The following SYBU variants were observed in gnomAD, a reference collection of about 807,000 sequenced individuals.
SYBU encodes GOLSYN A protein.
SYBU carries 21 observed loss-of-function variants against 35.9 expected under a neutral mutation model. The observed-to-expected ratio is 0.58, with a 90% CI of 0.41 to 0.84. SYBU has a LOEUF of 0.84. Among genes scored for constraint, SYBU ranks in the 40% least tolerant of loss-of-function variants. SYBU has a pLI of 0.00. For synonymous variants in SYBU, 319 were observed against 324.3 expected, an observed-to-expected ratio of 0.98 and a Z score of 0.18; for missense variants, 768 against 848.2, an observed-to-expected ratio of 0.91 and a Z score of 1.17.
At chr8:109,589,877 C>T (rs1824022675) in intron 3 of SYBU, among the ~76,000 whole-genome samples, 2 of 152,150 alleles carry the variant, frequency 1.3e-5, no homozygotes, top group South Asian at 4.1e-4. Context: ...ATCCTGAGAT[C>T]TACTAAGCAG....
upstream of SYBU, chr8:109,645,079 G>T (rs1815493814): frequency 2.0e-6 from 1 of 491,400 alleles, no homozygotes; most frequent in African/African-American, 2.0e-5. Flanking sequence ...CCAGCCCAGG[G>T]GTGACCCCAC....
intron 1 of SYBU, among the ~76,000 whole-genome samples, chr8:109,652,279 A>G (rs1469121690): frequency 6.6e-6 from 1 of 152,172 alleles, no homozygotes; most frequent in African/African-American, 2.4e-5. Flanking sequence ...ACATCCTATT[A>G]TAATCTGGTT....
At chr8:109,594,323 A>T (rs1036776033) in intron 3 of SYBU, among the ~76,000 whole-genome samples, 1 of 152,150 alleles carries the variant, frequency 6.6e-6, no homozygotes, top group Non-Finnish European at 1.5e-5. Context: ...AATATAAGGG[A>T]GAAGGAAAAG....
intron 1 of SYBU, among the ~76,000 whole-genome samples, chr8:109,665,345 G>A (rs752272993): frequency 6.6e-6 from 1 of 152,138 alleles, no homozygotes; most frequent in Non-Finnish European, 1.5e-5. Flanking sequence ...ATAACCGTGT[G>A]CCTCATACTA....
rs1483201177 is a variant in SYBU at position 109,574,139 on chromosome 8, GTCTT to G, written c.*763_*766del. The G allele has an allele frequency of 6.6e-6, 1 of 151,982 alleles. No homozygotes were observed. The highest frequency in any genetic ancestry group is 2.4e-5 in the African/African-American group (1 of 41,368). 9.4% of individuals were successfully genotyped at this position (151,982 alleles called of 1,614,324 possible). Reference sequence around the variant, plus strand: ...AAAGATGTAAGATCTGCTATTCATTGTCTTTCTTATACATAGAAGTAAAATCACA... The same window carrying G: ...AAAGATGTAAGATCTGCTATTCATTGTCTTATACATAGAAGTAAAATCACA... On this transcript the variant is annotated 3_prime_UTR_variant, in exon 7 of 7. Coordinates refer to ENST00000276646, the MANE Select transcript of SYBU (RefSeq NM_001099754.2).
intron 1 of SYBU, among the ~76,000 whole-genome samples, chr8:109,649,936 T>TC (rs1167341482): frequency 3.0e-4 from 45 of 152,214 alleles, no homozygotes; most frequent in Admixed American, 2.7e-3. Flanking sequence ...TCTGTTGGTC[T>TC]CACAGGTGTA....
intron 3 of SYBU, among the ~76,000 whole-genome samples, chr8:109,590,514 A>C (rs1266891782): frequency 1.3e-5 from 2 of 151,962 alleles, no homozygotes; most frequent in Non-Finnish European, 2.9e-5. Context: ...ATTCTGATTG[A>C]TGTTTAATTG....
upstream of SYBU, chr8:109,644,977 C>T (rs1226616826): frequency 2.0e-6 from 1 of 508,460 alleles, no homozygotes; most frequent in Admixed American, 3.1e-5. Flanking sequence ...CCGATTTCCC[C>T]ACGGCACTCC....
intron 1 of SYBU, among the ~76,000 whole-genome samples, chr8:109,686,496 T>C (rs1422870123): frequency 1.3e-5 from 2 of 152,182 alleles, no homozygotes; most frequent in African/African-American, 4.8e-5. Flanking sequence ...TAGACTATCA[T>C]TCCATACCAT....
At chr8:109,648,562 A>G (rs1024324492), upstream of SYBU, 2 of 152,098 alleles carry the variant, frequency 1.3e-5, no homozygotes, top group African/African-American at 2.4e-5. Context: ...TTTTATTAAT[A>G]GGAATCCCCT....
Position 109,574,828 on chromosome 8 carries a change from C to G in SYBU, c.*78G>C, listed in dbSNP as rs973794511. 1.9e-5 allele frequency: 28 copies of G among 1,437,944 alleles called. No homozygotes were observed. The Middle Eastern group carries it at 7.5e-4, about 39-fold the overall frequency. The allele number at this position is 1,437,944 out of a possible 1,614,324, so 89.1% of individuals were successfully genotyped here. ...CAAAACGACAGAATAGAGACTGTCA[C>G]AGATGATTGACTTCCTGTTTCTCTA... On this transcript the variant is annotated 3_prime_UTR_variant, in exon 7 of 7. Coordinates refer to ENST00000276646, the MANE Select transcript of SYBU (RefSeq NM_001099754.2).
intron 1 of SYBU, among the ~76,000 whole-genome samples, chr8:109,655,944 A>G (rs949098792): frequency 1.3e-5 from 2 of 151,956 alleles, no homozygotes; most frequent in African/African-American, 4.8e-5. Flanking sequence ...GGGAAACCCC[A>G]TCTCTACTAA....
At chr8:109,614,004 C>T (rs1397932065) in intron 3 of SYBU, among the ~76,000 whole-genome samples, 2 of 152,228 alleles carry the variant, frequency 1.3e-5, no homozygotes, top group African/African-American at 2.4e-5. Context: ...TAAGGAGATA[C>T]AGTGACATCT....
intron 2 of SYBU, among the ~76,000 whole-genome samples, chr8:109,621,521 G>A (rs1375208739): frequency 6.6e-6 from 1 of 152,130 alleles, no homozygotes; most frequent in Non-Finnish European, 1.5e-5. Context: ...CTACTCTTGT[G>A]CTTCATATGG....
intron 2 of SYBU, among the ~76,000 whole-genome samples, chr8:109,628,179 G>A (rs752285590): frequency 3.3e-5 from 5 of 152,178 alleles, no homozygotes; most frequent in Admixed American, 1.3e-4. Context: ...TAGTGATGAG[G>A]AGAAACAGTT....
At position 109,621,366 on chromosome 8, in the gene SYBU, C is replaced by T. The variant is rs536702191; in HGVS notation, c.230-2327G>A. The stretch of plus-strand genomic sequence containing the variant: ...GTAAGAGGCAGTAGCAATTTTTAAC[C>T]TGGAGTGTGATGCCTCACCTGTCAT... On this transcript the variant is annotated intron_variant, in intron 2 of 6. Coordinates refer to ENST00000276646, the MANE Select transcript of SYBU (RefSeq NM_001099754.2). 1.1e-4 allele frequency among the ~76,000 whole-genome samples: 17 copies of T among 152,236 alleles called. No homozygotes were observed. In the South Asian group the frequency reaches 3.5e-3, roughly 32 times the overall value.
intron 2 of SYBU, 70 bp from the exon 3 acceptor site, chr8:109,619,109 G>A (rs1281575713): frequency 2.5e-6 from 3 of 1,218,864 alleles, no homozygotes; most frequent in African/African-American, 3.0e-5. Context: ...GCCATGCGGT[G>A]CACCACACAC....
chr8:109,675,266 A>G (rs1168947680), intron 1 of SYBU, among the ~76,000 whole-genome samples: 1 of 152,226 alleles, frequency 6.6e-6, no homozygotes, highest in African/African-American at 2.4e-5. Context: ...AAAAGCTAGC[A>G]GAAGACAAGA....
intron 1 of SYBU, among the ~76,000 whole-genome samples, chr8:109,673,079 G>T (rs1411472321): frequency 1.3e-5 from 2 of 152,210 alleles, no homozygotes; most frequent in Non-Finnish European, 2.9e-5. Flanking sequence ...CAGAGCACCT[G>T]GGGGAAGGGG....
Sources: gnomAD v4.1 joint callset for allele counts (sites outside exome capture counted in the v4.1 genomes callset) on GRCh38, gnomAD v4.1.1 for gene constraint, MANE v1.5 for transcripts, NCBI Gene and HGNC (gene_info 2026-07-23, HGNC 2026-07-21) for gene names.